CD207: variants seen among roughly 807,000 people sequenced by gnomAD.
CD207 encodes the protein C-type lectin domain family 4 member K.
Under a neutral mutation model 31.6 loss-of-function variants are expected in CD207, and 28 were observed. The ratio of observed to expected loss-of-function variants is 0.89; its 90% CI spans 0.66 to 1.21. CD207 has a LOEUF of 1.21. CD207 is among the 50% of genes most tolerant of loss of function. The pLI is 0.00. For synonymous variants in CD207, 168 were observed against 153.9 expected (o/e 1.09, Z -0.68); for missense variants, 388 against 397.8 (o/e 0.98, Z 0.21).
rs782792485 is a variant in CD207, at chr2:70,832,885, A to G, written c.717+15T>C. On this transcript the variant is annotated intron_variant, in intron 4 of 5. Coordinates refer to ENST00000410009, the MANE Select transcript of CD207 (RefSeq NM_015717.5). ...CATACGCCCCCTTCACAGAGCCCAT[A>G]GGCACAGCACTCACCTGCTCACTCT... The G allele has an allele frequency of 1.9e-6, 3 of 1,608,164 alleles. No individual in the cohort carries two copies. The highest frequency in any genetic ancestry group is 2.6e-6 in the Non-Finnish European group (3 of 1,176,242).
chr2:70,825,713 A>AT (rs1354702937), downstream of CD207, among the ~76,000 whole-genome samples: 133 of 148,212 alleles, frequency 9.0e-4, no homozygotes, highest in South Asian at 3.0e-3. Context: ...TAAGTTTTGT[A>AT]TTTTTTTTTT....
At position 70,833,799 on chromosome 2, in the gene CD207, G is replaced by C. The variant is rs782745469; in HGVS notation, c.412C>G (p.Gln138Glu). 1 of 1,613,966 alleles carries C rather than the reference G, an allele frequency of 6.2e-7. No individual in the cohort carries two copies. The highest frequency in any genetic ancestry group is 8.5e-7 in the Non-Finnish European group (1 of 1,179,874). Residue 138 changes from glutamine (Q) to glutamate (E), a missense_variant, in exon 3 of 6, where the codon CAG (glutamine) becomes GAG (glutamate). Physicochemically the swap from Gln to Glu is conservative, Grantham distance 29 (BLOSUM62 2). Transcript: ENST00000410009. ...TCTTCCCAACTTCTTGTTAAGATCT[G>C]GATCTGTGCGTTGGCCTTCTCCACA... is the stretch of plus-strand genomic sequence containing the variant. ...TSVEKANAQI[Q>E]ILTRSWEEVS...
the CD207 span, among the ~76,000 whole-genome samples, chr2:70,824,961 G>A: frequency 6.6e-6 from 1 of 152,162 alleles, no homozygotes; most frequent in Non-Finnish European, 1.5e-5. Flanking sequence ...AAAAAGTTCA[G>A]TACAGGAAAA....
chr2:70,830,860 T>A lies in CD207; in HGVS notation c.*190A>T. Reference sequence around the variant, plus strand: ...ACTTTAACCTGAATTCTCCTTTCCATTCCAGCTGCCTCCAAGACGTCAGAG... The same window carrying A: ...ACTTTAACCTGAATTCTCCTTTCCAATCCAGCTGCCTCCAAGACGTCAGAG... On this transcript the variant is annotated 3_prime_UTR_variant, in exon 6 of 6. Coordinates refer to ENST00000410009, the MANE Select transcript of CD207 (RefSeq NM_015717.5). 12 of 515,188 alleles carry A rather than the reference T, an allele frequency of 2.3e-5. No homozygotes were observed. The highest frequency in any genetic ancestry group is 9.9e-5 in the East Asian group (3 of 30,306). 31.9% of individuals were successfully genotyped at this position (515,188 alleles called of 1,614,324 possible).
Position 70,835,512 on chromosome 2 carries a change from C to T in CD207, c.169G>A (p.Val57Ile), listed in dbSNP as rs781939546. 48 of 1,613,236 alleles carry T rather than the reference C, an allele frequency of 3.0e-5. No individual in the cohort carries two copies. Among genetic ancestry groups the T allele is most frequent in the Admixed American group, 1.2e-4 (7 of 59,988 alleles). Residue 57 changes from valine (V) to isoleucine (I), a missense_variant, in exon 2 of 6, where the codon GTC becomes ATC. By Grantham distance (29) the Val-to-Ile change is conservative (BLOSUM62 3). Coordinates refer to ENST00000410009, the MANE Select transcript of CD207 (RefSeq NM_015717.5). ...ICLTLVLVAS[V>I]LLQAVLYPRF... ...TTACAAAGGACGGCCTGCAGCAGGA[C>T]GGAGGCGACCAGGACCAGCGTCAGG...
chr2:70,833,858 T>C lies in CD207; in HGVS notation c.353A>G (p.Tyr118Cys), dbSNP rs1441117520. 3.7e-6 allele frequency: 6 copies of C among 1,613,830 alleles called. No homozygotes were observed. Among genetic ancestry groups the C allele is most frequent in the Non-Finnish European group, 5.1e-6 (6 of 1,179,830 alleles). Reference sequence around the variant, plus strand: ...TAACTTCAGGAACTGAGAACGCACATAACCCAGGCTCTCATTCACCATCTG... The same window carrying C: ...TAACTTCAGGAACTGAGAACGCACACAACCCAGGCTCTCATTCACCATCTG... ...QIQMVNESLGYVRSQFLKLKT... is the reference protein window; with the variant it reads ...QIQMVNESLGCVRSQFLKLKT... The change falls in exon 3 of 6, where the codon TAT becomes TGT. Residue 118 changes from tyrosine to cysteine, a missense_variant. Coordinates refer to ENST00000410009, the MANE Select transcript of CD207 (RefSeq NM_015717.5).
chr2:70,827,306 C>T (rs533065367), downstream of CD207, among the ~76,000 whole-genome samples: 2 of 152,076 alleles, frequency 1.3e-5, no homozygotes, highest in South Asian at 2.1e-4. Context: ...TGTGTTTTCT[C>T]CCCCAAAAAC....
chr2:70,829,905 G>A (rs1322858785), downstream of CD207, among the ~76,000 whole-genome samples: 1 of 152,218 alleles, frequency 6.6e-6, no homozygotes. Context: ...GGGTCTCTGT[G>A]AAGAGTGGGG....
In CD207 at chr2:70,831,277, T is replaced by A. The variant is rs1485461558; in HGVS notation, c.837-77A>T. ...ACTTATTTCCAGTGAAGAAATGAGT[T>A]AACTCAACCCAAGCTTTTGTCCTAG... On this transcript the variant is annotated intron_variant, in intron 5 of 5. Transcript: ENST00000410009. 2.8e-6 allele frequency: 4 copies of A among 1,426,628 alleles called. No homozygotes were observed. The East Asian group carries it at 9.2e-5, about 33-fold the overall frequency. The allele number at this position is 1,426,628 out of a possible 1,614,324, so 88.4% of individuals were successfully genotyped here. A position where few individuals can be genotyped will look rare whatever the true frequency, so the allele number is the denominator to read the frequency against.
chr2:70,831,587 A>G (rs1677473706), intron 5 of CD207, 114 bp downstream of exon 5: 3 of 748,834 alleles, frequency 4.0e-6, no homozygotes, highest in Admixed American at 1.9e-5. Flanking sequence ...CTGTCACTCT[A>G]AGACAGGGAA....
intron 2 of CD207, among the ~76,000 whole-genome samples, chr2:70,834,847 C>T (rs1325350305): frequency 6.6e-6 from 1 of 152,104 alleles, no homozygotes; most frequent in Non-Finnish European, 1.5e-5. Context: ...GGAGCCCTGG[C>T]AGGAGGAAGA....
chr2:70,824,196 C>A, the CD207 span, among the ~76,000 whole-genome samples: 2 of 152,078 alleles, frequency 1.3e-5, no homozygotes, highest in Non-Finnish European at 2.9e-5. Flanking sequence ...GATGTGAGCA[C>A]TTGTATTCAG....
At chr2:70,833,284 G>T (rs1227398139) in intron 3 of CD207, among the ~76,000 whole-genome samples, 1 of 152,140 alleles carries the variant, frequency 6.6e-6, no homozygotes, top group African/African-American at 2.4e-5. Flanking sequence ...TGGACAAAGA[G>T]TGTCTTCCCC....
At chr2:70,834,243 G>A (rs538829495) in intron 2 of CD207, among the ~76,000 whole-genome samples, 4 of 152,230 alleles carry the variant, frequency 2.6e-5, no homozygotes, top group Non-Finnish European at 5.9e-5. Context: ...CAGATAATGG[G>A]GAGATTGATA....
rs1438588285 is a variant in CD207, at chr2:70,831,113, A to G, written c.924T>C (p.Asp308=). The change falls in exon 6 of 6, where the codon GAT becomes GAC. Residue 308 remains aspartate, a synonymous_variant. Coordinates refer to ENST00000410009, the MANE Select transcript of CD207 (RefSeq NM_015717.5). ...AAAGAAACGTTTTGTCACATGGGGCATCATTCCAGGCCTGAAGTGAGGGAG... is the reference window on the plus strand; with the variant it reads ...AAAGAAACGTTTTGTCACATGGGGCGTCATTCCAGGCCTGAAGTGAGGGAG... ...IKAPSLQAWN[D]APCDKTFLFI... 1.2e-6 allele frequency: 2 copies of G among 1,613,750 alleles called. No homozygotes were observed. The highest frequency in any genetic ancestry group is 1.7e-6 in the Non-Finnish European group (2 of 1,179,770).
intron 2 of CD207, among the ~76,000 whole-genome samples, chr2:70,834,799 A>AT (rs1677567850): frequency 1.3e-5 from 2 of 152,116 alleles, no homozygotes. Context: ...GAGAAAAAAA[A>AT]ACCCAACAGC....
In CD207 at chr2:70,830,801, T is replaced by C; in HGVS notation, c.*249A>G. The stretch of plus-strand genomic sequence containing the variant: ...TCTTGATCCTCCTTAGCAGGGCAAT[T>C]GGAACTTCTAAATCCTCTCTACCCA... On this transcript the variant is annotated 3_prime_UTR_variant, in exon 6 of 6. Transcript: ENST00000410009. 1 of 428,310 alleles carries C rather than the reference T, an allele frequency of 2.3e-6. No homozygotes were observed. Among genetic ancestry groups the C allele is most frequent in the African/African-American group, 2.0e-5 (1 of 50,630 alleles). 26.5% of individuals were successfully genotyped at this position (428,310 alleles called of 1,614,324 possible). A position where few individuals can be genotyped will look rare whatever the true frequency, so the allele number is the denominator to read the frequency against.
At position 70,832,926 on chromosome 2, in the gene CD207, T is replaced by A. The variant is rs782391351; in HGVS notation, c.691A>T (p.Thr231Ser). ...TGCTCACTCTCTGAGGTCACCGAGGTCAGGTGTGAATTCCTGGACACACAG... is the reference window on the plus strand; with the variant it reads ...TGCTCACTCTCTGAGGTCACCGAGGACAGGTGTGAATTCCTGGACACACAG... ...QFCVSRNSHL[T>S]SVTSESEQEF... Residue 231 changes from threonine (T) to serine (S), a missense_variant, in exon 4 of 6, where the codon ACC (threonine) becomes TCC (serine). Thr to Ser is a moderately conservative substitution (Grantham distance 58). Transcript: ENST00000410009. 7 of 1,613,808 alleles carry A rather than the reference T, an allele frequency of 4.3e-6. No individual in the cohort carries two copies. Among genetic ancestry groups the A allele is most frequent in the Non-Finnish European group, 5.9e-6 (7 of 1,179,780 alleles).
the CD207 span, among the ~76,000 whole-genome samples, chr2:70,824,603 T>G: frequency 2.7e-5 from 3 of 113,104 alleles, no homozygotes. Context: ...TACCAGAAAG[T>G]AAGGAGATGC....
Sources: allele counts gnomAD v4.1 joint callset (sites outside exome capture counted in the v4.1 genomes callset), GRCh38; gene constraint gnomAD v4.1.1; transcripts MANE v1.5; gene names NCBI Gene and HGNC (gene_info 2026-07-23, HGNC 2026-07-21).